KAZN: variants seen among roughly 807,000 people sequenced by gnomAD.
KAZN encodes kazrin.
A neutral mutation model predicts 87.4 loss-of-function variants in KAZN; 40 were observed. That is an observed-to-expected ratio of 0.46 (90% CI 0.36 to 0.60). The LOEUF is 0.60. KAZN is among the 20% of genes least tolerant of loss of function. The probability of loss-of-function intolerance (pLI) is 0.00; values close to 1 mark genes in which losing one functional copy is unlikely to be tolerated. For synonymous variants in KAZN, 466 were observed against 458.3 expected (o/e 1.02, Z -0.22); for missense variants, 898 against 1,073.9 (o/e 0.84, Z 2.29).
chr1:14,984,445 C>G (rs575358190), intron 2 of KAZN, among the ~76,000 whole-genome samples: 2 of 152,224 alleles, frequency 1.3e-5, no homozygotes, highest in East Asian at 3.9e-4. Context: ...CCAGGGTTCT[C>G]TCTGTGGGAA....
chr1:13,909,673 T>C (rs1639578420), intron 1 of KAZN, among the ~76,000 whole-genome samples: 3 of 152,234 alleles, frequency 2.0e-5, no homozygotes, highest in African/African-American at 7.2e-5. Context: ...AAGACCTTTC[T>C]TTCTTGGCTG....
At chr1:14,713,775 CAAAAAAAAAAAAA>C (rs58947119) in intron 1 of KAZN, among the ~76,000 whole-genome samples, 2 of 94,636 alleles carry the variant, frequency 2.1e-5, no homozygotes, top group African/African-American at 4.7e-5. Flanking sequence ...CTCATCTCTA[CAAAAAAAAAAAAA>C]AAAAAAAAAA....
At position 14,598,824 on chromosome 1, in the gene KAZN, G is replaced by A; in HGVS notation, c.-174G>A. 7.3e-7 allele frequency: 1 copy of A among 1,376,810 alleles called. No individual in the cohort carries two copies. The highest frequency in any genetic ancestry group is 9.3e-7 in the Non-Finnish European group (1 of 1,070,312). The allele number at this position is 1,376,810 out of a possible 1,614,324, so 85.3% of individuals were successfully genotyped here. ...CGCCGCGGCTAGGGCTGGAGGCGCCGCTGTCATTCCTGTGCCGGAGGAACC... is the reference window on the plus strand; with the variant it reads ...CGCCGCGGCTAGGGCTGGAGGCGCCACTGTCATTCCTGTGCCGGAGGAACC... On this transcript the variant is annotated 5_prime_UTR_variant, in exon 1 of 15. Coordinates refer to ENST00000376030, the MANE Select transcript of KAZN (RefSeq NM_201628.3). The surrounding 1 kb of genome is among the most constrained non-coding windows in gnomAD (Gnocchi z 4.2).
intron 3 of KAZN, 82 bp from the exon 4 acceptor site, chr1:15,043,907 G>A (rs1673184422): frequency 7.2e-6 from 10 of 1,390,408 alleles, no homozygotes; most frequent in Non-Finnish European, 8.7e-6. Context: ...CCATCTAGGA[G>A]TTAGGCCCCC....
chr1:14,594,404 C>T (rs151172994), upstream of KAZN, among the ~76,000 whole-genome samples: 31 of 152,270 alleles, frequency 2.0e-4, no homozygotes, highest in African/African-American at 7.2e-4. Flanking sequence ...CAAACACACA[C>T]GGCACAGTTG....
chr1:14,503,976 A>G (rs1319069854), intron 2 of KAZN, among the ~76,000 whole-genome samples: 1 of 152,120 alleles, frequency 6.6e-6, no homozygotes, highest in Non-Finnish European at 1.5e-5. Flanking sequence ...GGCACGTAGG[A>G]CAAAACATTT....
chr1:15,024,119 C>A (rs1227554838), intron 2 of KAZN, among the ~76,000 whole-genome samples: 1 of 151,972 alleles, frequency 6.6e-6, no homozygotes, highest in Non-Finnish European at 1.5e-5. Flanking sequence ...GGGATGAGGT[C>A]CAGGCTGAAG....
intron 7 of KAZN, 40 bp downstream of exon 7, chr1:15,063,662 C>T: frequency 6.6e-7 from 1 of 1,507,644 alleles, no homozygotes; most frequent in South Asian, 1.1e-5. Context: ...CCTCCCTCCA[C>T]CCCACCTTGA....
intron 2 of KAZN, among the ~76,000 whole-genome samples, chr1:14,205,220 A>G (rs1646714523): frequency 6.6e-6 from 1 of 152,158 alleles, no homozygotes; most frequent in Admixed American, 6.5e-5. Context: ...AAGGCTGGAA[A>G]ATGTAATTCA....
At chr1:15,109,924 G>GTTGTAT (rs1553191647) in intron 13 of KAZN, among the ~76,000 whole-genome samples, 1 of 18,218 alleles carries the variant, frequency 5.5e-5, no homozygotes, top group Non-Finnish European at 1.1e-4. Flanking sequence ...TTTGTGTATG[G>GTTGTAT]GTGTGTGTGT....
intron 1 of KAZN, among the ~76,000 whole-genome samples, chr1:14,884,556 G>T (rs530843637): frequency 1.3e-5 from 2 of 152,192 alleles, no homozygotes; most frequent in African/African-American, 2.4e-5. Context: ...TATTAAGGAC[G>T]TTCATTGCTA....
chr1:14,925,583 A>G (rs999783866), intron 1 of KAZN, among the ~76,000 whole-genome samples: 51 of 152,300 alleles, frequency 3.3e-4, no homozygotes, highest in African/African-American at 1.1e-3. Context: ...GTCCTAAATC[A>G]TGGTGTTGGA....
intron 1 of KAZN, among the ~76,000 whole-genome samples, chr1:14,606,524 G>A (rs1008276975): frequency 1.3e-4 from 20 of 152,164 alleles, no homozygotes; most frequent in South Asian, 1.0e-3. Flanking sequence ...CTTGGACTTC[G>A]TGTGTTTCAT....
At chr1:14,459,265 G>C (rs1301463335) in intron 2 of KAZN, among the ~76,000 whole-genome samples, 8 of 151,920 alleles carry the variant, frequency 5.3e-5, no homozygotes, top group Non-Finnish European at 8.8e-5. Flanking sequence ...GTGCGCGTGT[G>C]TGTGTGTGTG....
chr1:13,991,156 C>T (rs1489992392), intron 1 of KAZN, among the ~76,000 whole-genome samples: 10 of 151,680 alleles, frequency 6.6e-5, no homozygotes, highest in Middle Eastern at 3.2e-3. Context: ...TGAAGGGCAG[C>T]GAGGCTTCTG....
intron 1 of KAZN, among the ~76,000 whole-genome samples, chr1:14,652,145 T>C (rs59310320): frequency 0.28 from 41,884 of 152,138 alleles, 6,055 homozygotes; most frequent in South Asian, 0.36. Flanking sequence ...AGACAAATTC[T>C]GTTCAGGACA....
At chr1:15,052,129 A>ATGTG (rs548424075) in intron 4 of KAZN, among the ~76,000 whole-genome samples, 144 of 152,146 alleles carry the variant, frequency 9.5e-4, no homozygotes, top group African/African-American at 3.4e-3. Flanking sequence ...GATCTAATGC[A>ATGTG]TGTGTGTGTG....
chr1:13,975,550 T>A (rs944453218), intron 1 of KAZN, among the ~76,000 whole-genome samples: 2 of 152,188 alleles, frequency 1.3e-5, no homozygotes, highest in Non-Finnish European at 2.9e-5. Flanking sequence ...TCTGTTAAAT[T>A]ATAGCTACCC....
At chr1:14,223,352 G>A (rs532182914) in intron 2 of KAZN, among the ~76,000 whole-genome samples, 26 of 152,274 alleles carry the variant, frequency 1.7e-4, no homozygotes, top group African/African-American at 5.5e-4. Flanking sequence ...CCTGGCACAG[G>A]CTGTGATCCC....
Sources: allele counts gnomAD v4.1 joint callset (sites outside exome capture counted in the v4.1 genomes callset), GRCh38; gene constraint gnomAD v4.1.1; non-coding constraint Gnocchi (gnomAD v3.1); transcripts MANE v1.5; gene names NCBI Gene and HGNC (gene_info 2026-07-23, HGNC 2026-07-21).